Variants in SLC4A4 observed in about 807,000 individuals in gnomAD.
SLC4A4 encodes solute carrier family 4 member 4, also known as electrogenic sodium bicarbonate cotransporter 1.
SLC4A4 carries 27 observed loss-of-function variants against 111.5 expected under a neutral mutation model. The observed-to-expected ratio is 0.24, with a 90% CI of 0.18 to 0.33. SLC4A4 has a LOEUF of 0.33. Ranked by LOEUF, SLC4A4 falls within the 10% of genes least tolerant of loss-of-function variation. SLC4A4 has a pLI of 1.00. For missense variants in SLC4A4, 909 were observed against 1,315.5 expected (o/e 0.69, Z 4.78); for synonymous variants, 443 against 463.4 (o/e 0.96, Z 0.57).
intron 18 of SLC4A4, among the ~76,000 whole-genome samples, chr4:71,536,048 C>G (rs1734387555): frequency 6.6e-6 from 1 of 152,090 alleles, no homozygotes; most frequent in Admixed American, 6.6e-5. Flanking sequence ...AGATACTGTA[C>G]TGCTCTGAGA....
chr4:71,309,528 G>C (rs1578804364), intron 3 of SLC4A4, among the ~76,000 whole-genome samples: 1 of 152,158 alleles, frequency 6.6e-6, no homozygotes, highest in Non-Finnish European at 1.5e-5. Context: ...GGTGATACCA[G>C]GCAAATAGGG....
intron 7 of SLC4A4, among the ~76,000 whole-genome samples, chr4:71,402,555 A>G (rs547845263): frequency 1.2e-4 from 18 of 152,346 alleles, no homozygotes; most frequent in South Asian, 1.0e-3. Flanking sequence ...TTCTGAGGTT[A>G]TAATAATTGT....
chr4:71,349,132 A>G lies in SLC4A4; in HGVS notation c.390-780A>G, dbSNP rs115384727. 2.8e-3 allele frequency among the ~76,000 whole-genome samples: 424 copies of G among 152,242 alleles called. 2 individuals carry two copies. The highest frequency in any genetic ancestry group is 9.8e-3 in the African/African-American group (408 of 41,542). ...TTCCATTAAGGTTTTTTATTGCTATATATTGCTAAGTTATCAAAATGTCTA... is the reference window on the plus strand; with the variant it reads ...TTCCATTAAGGTTTTTTATTGCTATGTATTGCTAAGTTATCAAAATGTCTA... On this transcript the variant is annotated intron_variant, in intron 4 of 25. Coordinates refer to ENST00000264485, the MANE Select transcript of SLC4A4 (RefSeq NM_001098484.3).
intron 2 of SLC4A4, among the ~76,000 whole-genome samples, chr4:71,096,762 G>A (rs1742568463): frequency 6.6e-6 from 1 of 152,136 alleles, no homozygotes; most frequent in African/African-American, 2.4e-5. Flanking sequence ...TGTTAAGTGT[G>A]GCTGAGAAGT....
At chr4:71,306,592 AT>A (rs1162984576) in intron 3 of SLC4A4, among the ~76,000 whole-genome samples, 1 of 152,206 alleles carries the variant, frequency 6.6e-6, no homozygotes, top group African/African-American at 2.4e-5. Flanking sequence ...AAAAAAAAAA[AT>A]CATAATAATA....
intron 1 of SLC4A4, among the ~76,000 whole-genome samples, chr4:71,070,702 A>G (rs1240868165): frequency 6.6e-6 from 1 of 152,226 alleles, no homozygotes; most frequent in Non-Finnish European, 1.5e-5. Context: ...TTTGAATGTA[A>G]AACAATTCTG....
intron 2 of SLC4A4, among the ~76,000 whole-genome samples, chr4:71,116,332 T>C (rs1743248960): frequency 6.6e-6 from 1 of 152,216 alleles, no homozygotes; most frequent in Admixed American, 6.5e-5. Flanking sequence ...TTGGAGATTG[T>C]TTTTGTTTGC....
intron 3 of SLC4A4, among the ~76,000 whole-genome samples, chr4:71,273,817 C>T (rs1392094333): frequency 6.6e-6 from 1 of 151,848 alleles, no homozygotes; most frequent in Non-Finnish European, 1.5e-5. Context: ...AGATGCATGC[C>T]CTTGAACCAG....
intron 14 of SLC4A4, among the ~76,000 whole-genome samples, chr4:71,483,463 T>G (rs1390166620): frequency 6.6e-6 from 1 of 151,926 alleles, no homozygotes; most frequent in Admixed American, 6.6e-5. Flanking sequence ...CTAAGGATAA[T>G]GGCCTCCAGT....
chr4:71,365,467 A>G (rs1731158335), intron 6 of SLC4A4, among the ~76,000 whole-genome samples: 1 of 152,220 alleles, frequency 6.6e-6, no homozygotes, highest in Non-Finnish European at 1.5e-5. Context: ...AGGGAAGGAC[A>G]GGGAAAAGTA....
chr4:71,393,064 C>T (rs1303102121), intron 6 of SLC4A4, among the ~76,000 whole-genome samples: 2 of 152,074 alleles, frequency 1.3e-5, no homozygotes, highest in African/African-American at 2.4e-5. Flanking sequence ...CAACATAATA[C>T]TAACTGGGGA....
intron 2 of SLC4A4, among the ~76,000 whole-genome samples, chr4:71,151,002 A>G (rs1178438464): frequency 6.6e-6 from 1 of 152,250 alleles, no homozygotes; most frequent in Non-Finnish European, 1.5e-5. Context: ...ACATGAAAAT[A>G]TCCTGTGCTG....
At chr4:71,198,795 T>C (rs1244141576) in intron 1 of SLC4A4, among the ~76,000 whole-genome samples, 1 of 152,132 alleles carries the variant, frequency 6.6e-6, no homozygotes, top group Non-Finnish European at 1.5e-5. Context: ...ACCCTGTCTC[T>C]ACAAAATAAA....
chr4:71,122,004 A>G (rs1012864722), intron 2 of SLC4A4, among the ~76,000 whole-genome samples: 1 of 152,126 alleles, frequency 6.6e-6, no homozygotes, highest in Non-Finnish European at 1.5e-5. Context: ...CTCACTGTGA[A>G]GGTCTGCAGC....
At chr4:71,447,549 A>T (rs569300271) in intron 8 of SLC4A4, 97 bp from the exon 9 acceptor site, 32 of 791,256 alleles carry the variant, frequency 4.0e-5, no homozygotes, top group Non-Finnish European at 6.9e-5. Flanking sequence ...TCTAGACCTA[A>T]CCTTTTTATG....
chr4:71,496,282 T>C (rs1730396658), intron 15 of SLC4A4, among the ~76,000 whole-genome samples: 2 of 152,078 alleles, frequency 1.3e-5, no homozygotes, highest in African/African-American at 4.8e-5. Context: ...AGTCGGCTGT[T>C]ATAGAAGCAG....
chr4:71,564,632 C>A (rs1042920406), intron 24 of SLC4A4, among the ~76,000 whole-genome samples: 1 of 151,880 alleles, frequency 6.6e-6, no homozygotes, highest in African/African-American at 2.4e-5. Context: ...TTCTACTTTG[C>A]GTTCTCATTG....
chr4:71,328,302 A>T (rs1344181851), intron 3 of SLC4A4, among the ~76,000 whole-genome samples: 1 of 152,136 alleles, frequency 6.6e-6, no homozygotes, highest in Non-Finnish European at 1.5e-5. Flanking sequence ...GGGAGTACAG[A>T]TATCTCTTTG....
chr4:71,276,768 C>A (rs77370248), intron 3 of SLC4A4, among the ~76,000 whole-genome samples: 22,351 of 152,034 alleles, frequency 0.15, 1,958 homozygotes, highest in South Asian at 0.31. Flanking sequence ...AAGCTGCTGG[C>A]CAGGTGTGGT....
Sources: gnomAD v4.1 joint callset for allele counts (sites outside exome capture counted in the v4.1 genomes callset) on GRCh38, gnomAD v4.1.1 for gene constraint, MANE v1.5 for transcripts, NCBI Gene and HGNC (gene_info 2026-07-23, HGNC 2026-07-21) for gene names.